COPS3: variants seen among roughly 807,000 people sequenced by gnomAD.
COPS3 encodes COP9 signalosome complex subunit 3.
In COPS3, 10 loss-of-function variants were observed where a neutral mutation model predicts 58.2. The observed-to-expected ratio is 0.17, with a 90% confidence interval of 0.11 to 0.29. The LOEUF (loss-of-function observed/expected upper bound fraction) is 0.29, where lower values mean the gene tolerates loss of function less well. COPS3 is among the 10% of genes least tolerant of loss of function. The probability of loss-of-function intolerance (pLI) is 1.00; values close to 1 mark genes in which losing one functional copy is unlikely to be tolerated. For synonymous variants in COPS3, 187 were observed against 181.7 expected, an observed-to-expected ratio of 1.03 and a Z score of -0.24; for missense variants, 333 against 510.1, an observed-to-expected ratio of 0.65 and a Z score of 3.34.
At position 17,251,948 on chromosome 17, in the gene COPS3, A is replaced by G. The variant is rs2047855882; in HGVS notation, c.1024-2909T>C. Reference sequence around the variant, plus strand: ...GCCAGGCGTAGTGGTGGGCGCCTGTAGTCCCAGCTACTCGGGAGGCTGAGG... The same window carrying G: ...GCCAGGCGTAGTGGTGGGCGCCTGTGGTCCCAGCTACTCGGGAGGCTGAGG... On this transcript the variant is annotated intron_variant, in intron 9 of 11. Coordinates refer to ENST00000268717, the MANE Select transcript of COPS3 (RefSeq NM_003653.4). Among the ~76,000 whole-genome samples, 3 of 152,072 alleles carry G rather than the reference A, an allele frequency of 2.0e-5. No individual in the cohort carries two copies. The South Asian group carries it at 6.2e-4, about 32-fold the overall frequency.
intron 1 of COPS3, among the ~76,000 whole-genome samples, chr17:17,280,397 T>C (rs1247172839): frequency 8.2e-6 from 1 of 121,222 alleles, no homozygotes. Context: ...TGAGACTCCG[T>C]CTCAAAAAAA....
intron 2 of COPS3, among the ~76,000 whole-genome samples, chr17:17,274,621 C>T (rs974530109): frequency 6.6e-6 from 1 of 151,972 alleles, no homozygotes; most frequent in East Asian, 1.9e-4. Context: ...GACAGGGTCT[C>T]ACTATGTTGG....
At chr17:17,273,384 C>T (rs1275585775) in intron 2 of COPS3, among the ~76,000 whole-genome samples, 2 of 152,170 alleles carry the variant, frequency 1.3e-5, no homozygotes, top group African/African-American at 4.8e-5. Context: ...AACATTTCCA[C>T]CACTGCAGAT....
intron 6 of COPS3, among the ~76,000 whole-genome samples, chr17:17,263,082 A>T (rs1229062642): frequency 3.3e-5 from 5 of 151,664 alleles, no homozygotes. Flanking sequence ...AGGTCAGGAG[A>T]TCAAGACCAT....
chr17:17,267,766 C>T, intron 5 of COPS3, 119 bp downstream of exon 5: 1 of 964,718 alleles, frequency 1.0e-6, no homozygotes, highest in Non-Finnish European at 1.5e-6. Flanking sequence ...CATATTCCAA[C>T]TTCTATAACA....
intron 7 of COPS3, 28 bp from the exon 8 acceptor site, chr17:17,260,502 C>G: frequency 6.2e-7 from 1 of 1,610,770 alleles, no homozygotes; most frequent in Non-Finnish European, 8.5e-7. Context: ...GGAAAAAATT[C>G]AGATTAAAAC....
chr17:17,268,020 G>T (rs756209652), intron 4 of COPS3, 43 bp from the exon 5 acceptor site: 2 of 1,606,902 alleles, frequency 1.2e-6, no homozygotes, highest in Non-Finnish European at 1.7e-6. Context: ...CTCAAAGATG[G>T]CAGCACATTG....
At chr17:17,249,662 T>C (rs1404696669) in intron 9 of COPS3, among the ~76,000 whole-genome samples, 1 of 152,160 alleles carries the variant, frequency 6.6e-6, no homozygotes, top group Non-Finnish European at 1.5e-5. Flanking sequence ...CTGGCTAATT[T>C]TGTATTTTTA....
intron 1 of COPS3, chr17:17,280,882 C>A (rs1478531858): frequency 5.8e-6 from 6 of 1,032,916 alleles, no homozygotes; most frequent in Non-Finnish European, 8.0e-6. Flanking sequence ...GGGGCCCAGG[C>A]CGGGGGGAGG....
intron 6 of COPS3, among the ~76,000 whole-genome samples, chr17:17,262,459 G>C (rs1176846598): frequency 6.6e-6 from 1 of 152,108 alleles, no homozygotes; most frequent in Non-Finnish European, 1.5e-5. Context: ...GCCAGGCGCG[G>C]TGGCTTATGC....
Position 17,252,180 on chromosome 17 carries a change from T to C in COPS3, c.1023+2679A>G, listed in dbSNP as rs138563725. 3.0e-3 allele frequency among the ~76,000 whole-genome samples: 464 copies of C among 152,278 alleles called. 8 individuals carry two copies. Among genetic ancestry groups the C allele is most frequent in the Admixed American group, 0.027 (417 of 15,284 alleles). ...CATATTCTGTTCCTTCTTCTAGGTG[T>C]TGGAATCTTTGTGAAAATGTGTTTA... On this transcript the variant is annotated intron_variant, in intron 9 of 11. Transcript: ENST00000268717.
intron 8 of COPS3, among the ~76,000 whole-genome samples, chr17:17,260,033 C>A (rs751913726): frequency 3.3e-5 from 5 of 152,224 alleles, no homozygotes; most frequent in Non-Finnish European, 5.9e-5. Context: ...CTCTCTGAGG[C>A]TGCCTTTCAC....
chr17:17,260,596 G>A (rs1242718073), intron 7 of COPS3, 122 bp from the exon 8 acceptor site: 1 of 819,344 alleles, frequency 1.2e-6, no homozygotes, highest in Non-Finnish European at 1.9e-6. Context: ...CTGGGGTCAG[G>A]GGTTAAACAC....
chr17:17,247,236 G>C, intron 11 of COPS3, 85 bp from the exon 12 acceptor site: 1 of 1,303,696 alleles, frequency 7.7e-7, no homozygotes, highest in South Asian at 1.2e-5. Context: ...CAGTTGCCCT[G>C]TCCCTCCCAG....
At chr17:17,280,159 C>G (rs1465396427) in intron 1 of COPS3, among the ~76,000 whole-genome samples, 3 of 152,162 alleles carry the variant, frequency 2.0e-5, no homozygotes, top group Non-Finnish European at 2.9e-5. Flanking sequence ...TGCCTGTAAT[C>G]CCAGCACTTT....
At chr17:17,251,429 G>C (rs1486571762) in intron 9 of COPS3, among the ~76,000 whole-genome samples, 7 of 151,642 alleles carry the variant, frequency 4.6e-5, no homozygotes, top group Non-Finnish European at 8.8e-5. Context: ...CAAGTAGCTG[G>C]GATTACAGGC....
At chr17:17,250,544 C>T (rs2047820976) in intron 9 of COPS3, among the ~76,000 whole-genome samples, 1 of 152,166 alleles carries the variant, frequency 6.6e-6, no homozygotes, top group South Asian at 2.1e-4. Context: ...TCCGATTCTT[C>T]AAGAAAACTT....
intron 9 of COPS3, among the ~76,000 whole-genome samples, chr17:17,251,928 G>C (rs915383071): frequency 6.6e-6 from 1 of 151,868 alleles, no homozygotes; most frequent in Non-Finnish European, 1.5e-5. Context: ...AATTAGCCAG[G>C]CGTAGTGGTG....
At chr17:17,274,057 T>A (rs902527877) in intron 2 of COPS3, among the ~76,000 whole-genome samples, 13 of 152,158 alleles carry the variant, frequency 8.5e-5, no homozygotes, top group African/African-American at 3.1e-4. Flanking sequence ...ACACATAAAC[T>A]CACATAAACA....
Sources: gnomAD v4.1 joint callset for allele counts (sites outside exome capture counted in the v4.1 genomes callset) on GRCh38, gnomAD v4.1.1 for gene constraint, MANE v1.5 for transcripts, NCBI Gene and HGNC (gene_info 2026-07-23, HGNC 2026-07-21) for gene names.